The following SLC25A13 variants were observed in gnomAD, a reference collection of about 807,000 sequenced individuals.
The protein encoded by SLC25A13 is solute carrier family 25 member 13, also known as electrogenic aspartate/glutamate antiporter SLC25A13, mitochondrial.
In SLC25A13, 70 loss-of-function variants were observed where a neutral mutation model predicts 85.5. The observed-to-expected ratio is 0.82, with a 90% CI of 0.68 to 1.00. SLC25A13 has a LOEUF of 1.00. SLC25A13 is among the 50% of genes least tolerant of loss of function. The pLI is 0.00. For missense variants in SLC25A13, 765 were observed against 819.8 expected (o/e 0.93, Z 0.82); for synonymous variants, 259 against 288.7 (o/e 0.90, Z 1.04).
intron 15 of SLC25A13, among the ~76,000 whole-genome samples, chr7:96,123,329 G>C (rs555234250): frequency 6.6e-6 from 1 of 152,132 alleles, no homozygotes; most frequent in African/African-American, 2.4e-5. Flanking sequence ...TCACACCACC[G>C]ATTTTGTTTT....
rs1793998785 is a variant in SLC25A13, at chr7:96,171,473, G to C, written c.1229C>G (p.Thr410Arg). ...GAAGCACCAACTCAAAAGACTTACTGTAAGTTTTATGGCCTTCTCTGGGGC... is the reference window on the plus strand; with the variant it reads ...GAAGCACCAACTCAAAAGACTTACTCTAAGTTTTATGGCCTTCTCTGGGGC... Reference protein sequence around the residue: ...GVAPEKAIKLTVNDFVRDKFM... With the variant: ...GVAPEKAIKLRVNDFVRDKFM... Residue 410 changes from threonine (T) to arginine (R), a missense_variant and splice_region_variant, in exon 12 of 18, where the codon ACA becomes AGA. By Grantham distance (71) the Thr-to-Arg change is moderately conservative (BLOSUM62 -1). Transcript: ENST00000265631. 4 of 1,612,920 alleles carry C rather than the reference G, an allele frequency of 2.5e-6. No individual in the cohort carries two copies. The highest frequency in any genetic ancestry group is 1.7e-5 in the Admixed American group (1 of 60,002).
At chr7:96,144,153 G>T (rs530835777) in intron 14 of SLC25A13, among the ~76,000 whole-genome samples, 62 of 152,320 alleles carry the variant, frequency 4.1e-4, no homozygotes, top group African/African-American at 1.5e-3. Flanking sequence ...CTGCTGTGAT[G>T]TCTGACCACG....
At chr7:96,276,348 A>T (rs1290642584) in intron 3 of SLC25A13, among the ~76,000 whole-genome samples, 1 of 152,200 alleles carries the variant, frequency 6.6e-6, no homozygotes, top group Non-Finnish European at 1.5e-5. Context: ...AAGGCCAGAT[A>T]AAGTGGCTTA....
chr7:96,243,555 T>A (rs1320815528), intron 3 of SLC25A13, among the ~76,000 whole-genome samples: 2 of 152,174 alleles, frequency 1.3e-5, no homozygotes, highest in African/African-American at 2.4e-5. Flanking sequence ...GGTTTTTTTT[T>A]AAACTTCTCA....
chr7:96,267,177 T>C (rs1798067992), intron 3 of SLC25A13, among the ~76,000 whole-genome samples: 1 of 152,184 alleles, frequency 6.6e-6, no homozygotes, highest in Non-Finnish European at 1.5e-5. Flanking sequence ...TAATATTCTT[T>C]AAGTATTGCC....
At position 96,249,879 on chromosome 7, in the gene SLC25A13, C is replaced by CAAA. The variant is rs11368398; in HGVS notation, c.213-14965_213-14963dup. Among the ~76,000 whole-genome samples the CAAA allele has an allele frequency of 3.1e-4, 35 of 111,584 alleles. 1 individual carries two copies. Among genetic ancestry groups the CAAA allele is most frequent in the Non-Finnish European group, 3.6e-4 (20 of 55,582 alleles). 73.2% of individuals were successfully genotyped at this position (111,584 alleles called of 152,430 possible). On this transcript the variant is annotated intron_variant, in intron 3 of 17. Coordinates refer to ENST00000265631, the MANE Select transcript of SLC25A13 (RefSeq NM_014251.3). ...GTTACTGTTTTATTTCTTAACTTAG[C>CAAA]AAAAAAAAAAAAAAAAACTCTAGGC... is the stretch of plus-strand genomic sequence containing the variant.
At chr7:96,147,867 T>A (rs1231743884) in intron 13 of SLC25A13, among the ~76,000 whole-genome samples, 1 of 152,028 alleles carries the variant, frequency 6.6e-6, no homozygotes. Context: ...CCTACCACCA[T>A]GTGGAAGAAA....
chr7:96,186,738 G>A (rs957379414), intron 9 of SLC25A13, among the ~76,000 whole-genome samples: 4 of 152,174 alleles, frequency 2.6e-5, no homozygotes, highest in Admixed American at 2.6e-4. Flanking sequence ...ATGGTAAGTA[G>A]ATAGGTATTT....
At chr7:96,220,599 G>T (rs1305280513) in intron 4 of SLC25A13, among the ~76,000 whole-genome samples, 1 of 152,138 alleles carries the variant, frequency 6.6e-6, no homozygotes, top group Non-Finnish European at 1.5e-5. Context: ...TATACCAGAA[G>T]AAGAATGGTA....
intron 4 of SLC25A13, among the ~76,000 whole-genome samples, chr7:96,228,869 G>A (rs1197826673): frequency 6.6e-6 from 1 of 152,192 alleles, no homozygotes; most frequent in Non-Finnish European, 1.5e-5. Flanking sequence ...GCTGTGGAGG[G>A]TGTGCTGGGT....
chr7:96,150,858 T>C (rs1017484261), intron 13 of SLC25A13, among the ~76,000 whole-genome samples: 18 of 152,060 alleles, frequency 1.2e-4, no homozygotes, highest in Non-Finnish European at 2.2e-4. Context: ...CAAACTAATA[T>C]AGCAACGTAC....
chr7:96,151,147 C>T (rs1214245289), intron 13 of SLC25A13, among the ~76,000 whole-genome samples: 1 of 152,106 alleles, frequency 6.6e-6, no homozygotes, highest in Non-Finnish European at 1.5e-5. Flanking sequence ...GTGACAAGGG[C>T]ATATCACACT....
intron 6 of SLC25A13, 95 bp from the exon 7 acceptor site, chr7:96,191,342 C>A: frequency 1.6e-6 from 2 of 1,267,314 alleles, no homozygotes; most frequent in South Asian, 1.3e-5. Context: ...TGAAAGTAAT[C>A]AAAAATGCAT....
At chr7:96,286,986 G>A (rs1187232188) in intron 2 of SLC25A13, among the ~76,000 whole-genome samples, 1 of 152,190 alleles carries the variant, frequency 6.6e-6, no homozygotes, top group African/African-American at 2.4e-5. Context: ...GCAGAGAGAA[G>A]GCTGGGATAT....
intron 3 of SLC25A13, among the ~76,000 whole-genome samples, chr7:96,245,447 A>G (rs1797152954): frequency 6.6e-6 from 1 of 152,204 alleles, no homozygotes; most frequent in African/African-American, 2.4e-5. Context: ...CAAGCCTACA[A>G]GCTTTTAAAA....
chr7:96,228,138 A>T (rs1028781353), intron 4 of SLC25A13, among the ~76,000 whole-genome samples: 2 of 152,234 alleles, frequency 1.3e-5, no homozygotes, highest in African/African-American at 4.8e-5. Flanking sequence ...TGCTGGGATT[A>T]CAGGTGGGAA....
At chr7:96,249,061 C>T (rs984763944) in intron 3 of SLC25A13, among the ~76,000 whole-genome samples, 5 of 152,172 alleles carry the variant, frequency 3.3e-5, no homozygotes, top group African/African-American at 1.2e-4. Flanking sequence ...TTCTCAGCTG[C>T]TCGGAAGGCT....
At chr7:96,131,597 T>C in intron 15 of SLC25A13, 146 bp downstream of exon 15, 1 of 1,006,188 alleles carries the variant, frequency 9.9e-7, no homozygotes, top group South Asian at 1.5e-5. Context: ...TTTCCCTTTT[T>C]TTTCAGTAGC....
At chr7:96,202,644 C>T (rs1234607934) in intron 5 of SLC25A13, among the ~76,000 whole-genome samples, 1 of 152,120 alleles carries the variant, frequency 6.6e-6, no homozygotes, top group Non-Finnish European at 1.5e-5. Context: ...AACAAAATTC[C>T]TTCAAAAAAC....
Sources: allele counts gnomAD v4.1 joint callset (sites outside exome capture counted in the v4.1 genomes callset), GRCh38; gene constraint gnomAD v4.1.1; transcripts MANE v1.5; gene names NCBI Gene and HGNC (gene_info 2026-07-23, HGNC 2026-07-21).